The following SETBP1 variants were observed in gnomAD, a reference collection of about 807,000 sequenced individuals.
The protein encoded by SETBP1 is SET-binding protein.
In SETBP1, 9 loss-of-function variants were observed where a neutral mutation model predicts 101.0. That is an observed-to-expected ratio of 0.09 (90% CI 0.05 to 0.16). The LOEUF (loss-of-function observed/expected upper bound fraction) is 0.16, where lower values mean the gene tolerates loss of function less well. Among genes scored for constraint, SETBP1 ranks in the 10% least tolerant of loss-of-function variants. The probability of loss-of-function intolerance (pLI) is 1.00; values close to 1 mark genes in which losing one functional copy is unlikely to be tolerated. For missense variants in SETBP1, 1,858 were observed against 2,033.8 expected (o/e 0.91, Z 1.66); for synonymous variants, 818 against 788.5 (o/e 1.04, Z -0.63).
chr18:44,932,811 T>G (rs2070867751), intron 3 of SETBP1, among the ~76,000 whole-genome samples: 1 of 152,228 alleles, frequency 6.6e-6, no homozygotes, highest in Admixed American at 6.5e-5. Context: ...ATTTAAGGAC[T>G]TCTCTACACT....
At chr18:44,712,200 C>T (rs534973018) in intron 2 of SETBP1, among the ~76,000 whole-genome samples, 2 of 152,260 alleles carry the variant, frequency 1.3e-5, no homozygotes, top group Non-Finnish European at 1.5e-5. Flanking sequence ...ACCAGATGGT[C>T]GTCTTTGCCT....
intron 4 of SETBP1, among the ~76,000 whole-genome samples, chr18:45,035,379 AAGAG>A (rs2073376700): frequency 6.6e-6 from 1 of 152,214 alleles, no homozygotes; most frequent in Admixed American, 6.5e-5. Flanking sequence ...TAGGGTTTTC[AAGAG>A]AGCTAATAGT....
At chr18:45,023,614 G>A (rs902874778) in intron 4 of SETBP1, among the ~76,000 whole-genome samples, 5 of 152,178 alleles carry the variant, frequency 3.3e-5, no homozygotes, top group East Asian at 1.9e-4. Flanking sequence ...GGGTTCCAGC[G>A]TTCAGAGAGT....
At chr18:44,981,812 T>A (rs1157779133) in intron 4 of SETBP1, among the ~76,000 whole-genome samples, 1 of 152,218 alleles carries the variant, frequency 6.6e-6, no homozygotes, top group Non-Finnish European at 1.5e-5. Context: ...TTGATTTTTT[T>A]TAAGAAGCCC....
chr18:44,805,699 A>G (rs185906810), intron 2 of SETBP1, among the ~76,000 whole-genome samples: 3 of 152,166 alleles, frequency 2.0e-5, no homozygotes, highest in Non-Finnish European at 4.4e-5. Flanking sequence ...CCTTGATGGC[A>G]GAGACTGTCA....
At position 44,701,671 on chromosome 18, in the gene SETBP1, A is replaced by G. The variant is rs1277006151; in HGVS notation, c.325A>G (p.Thr109Ala). 1 of 1,614,086 alleles carries G rather than the reference A, an allele frequency of 6.2e-7. No homozygotes were observed. The highest frequency in any genetic ancestry group is 1.3e-5 in the African/African-American group (1 of 74,918). ...GGGAAGTCTGAAGCTAAAGATTCAG[A>G]CCACAAAGCGGGCTAAGAAACCCCC... ...TEGSLKLKIQ[T>A]TKRAKKPPKN... The change falls in exon 2 of 6, where the codon ACC (threonine) becomes GCC (alanine). Residue 109 changes from threonine (T) to alanine (A), a missense_variant. By Grantham distance (58) the Thr-to-Ala change is moderately conservative. Around this residue, in one of 12 missense-constraint regions of SETBP1, gnomAD observed 28 missense variants for 59.2 expected, o/e 0.47. Coordinates refer to ENST00000649279, the MANE Select transcript of SETBP1 (RefSeq NM_015559.3).
At chr18:44,877,145 C>T in intron 3 of SETBP1, 1 of 987,526 alleles carries the variant, frequency 1.0e-6, no homozygotes, top group Non-Finnish European at 1.2e-6. Context: ...AGTATGGGCT[C>T]CAAGCCACAG....
intron 5 of SETBP1, among the ~76,000 whole-genome samples, chr18:45,058,242 A>G (rs564567175): frequency 2.6e-5 from 4 of 152,364 alleles, no homozygotes; most frequent in African/African-American, 9.6e-5. Flanking sequence ...GCAAGAGCCC[A>G]GAAATGACTG....
chr18:44,709,399 C>T (rs2069291511), intron 2 of SETBP1, among the ~76,000 whole-genome samples: 1 of 152,192 alleles, frequency 6.6e-6, no homozygotes, highest in African/African-American at 2.4e-5. Context: ...TGGATTAGAA[C>T]TCAGATACCC....
intron 4 of SETBP1, among the ~76,000 whole-genome samples, chr18:44,973,573 T>G (rs138566782): frequency 1.2e-4 from 19 of 152,118 alleles, no homozygotes; most frequent in Non-Finnish European, 2.4e-4. Flanking sequence ...TGGGGGCAAA[T>G]GGATAGAGTC....
intron 4 of SETBP1, among the ~76,000 whole-genome samples, chr18:44,979,337 G>A (rs963781860): frequency 6.6e-6 from 1 of 152,158 alleles, no homozygotes; most frequent in Non-Finnish European, 1.5e-5. Context: ...CTGGCCCTTT[G>A]TTCTAGGATA....
At chr18:44,896,118 C>G (rs895056035) in intron 3 of SETBP1, among the ~76,000 whole-genome samples, 1 of 152,104 alleles carries the variant, frequency 6.6e-6, no homozygotes, top group Non-Finnish European at 1.5e-5. Flanking sequence ...TTGTCAGTTA[C>G]TTCATTGCCT....
chr18:45,062,444 T>A (rs2073904777), intron 5 of SETBP1, among the ~76,000 whole-genome samples: 1 of 152,192 alleles, frequency 6.6e-6, no homozygotes, highest in Non-Finnish European at 1.5e-5. Context: ...AGCGAGATGA[T>A]GCCATGATAA....
In SETBP1 at chr18:44,769,169, AG is replaced by A. The variant is rs1405014348; in HGVS notation, c.486+67340del. Among the ~76,000 whole-genome samples, 3 of 152,258 alleles carry A rather than the reference AG, an allele frequency of 2.0e-5. No homozygotes were observed. In the East Asian group the frequency reaches 5.8e-4, roughly 29 times the overall value. Reference sequence around the variant, plus strand: ...GGAACTCTCATCTACAATGAATTCAAGGGTCCCAGCAGTTGGACTTTCCATG... The same window carrying A: ...GGAACTCTCATCTACAATGAATTCAAGGTCCCAGCAGTTGGACTTTCCATG... On this transcript the variant is annotated intron_variant, in intron 2 of 5. Transcript: ENST00000649279.
chr18:44,887,916 C>T (rs1475065928), intron 3 of SETBP1, among the ~76,000 whole-genome samples: 1 of 152,032 alleles, frequency 6.6e-6, no homozygotes, highest in Non-Finnish European at 1.5e-5. Flanking sequence ...TACCTGGAAC[C>T]CAGATTCCAA....
intron 2 of SETBP1, among the ~76,000 whole-genome samples, chr18:44,844,686 C>T (rs189514666): frequency 1.4e-3 from 209 of 152,094 alleles, no homozygotes; most frequent in African/African-American, 4.8e-3. Flanking sequence ...GCGGGAGGGG[C>T]AGGCTCAGAC....
intron 2 of SETBP1, among the ~76,000 whole-genome samples, chr18:44,728,924 G>A (rs1158147364): frequency 1.3e-5 from 2 of 152,240 alleles, no homozygotes; most frequent in Non-Finnish European, 2.9e-5. Flanking sequence ...GAAGAATGCA[G>A]CTAAGAACTA....
At chr18:44,797,075 G>T (rs1243489427) in intron 2 of SETBP1, among the ~76,000 whole-genome samples, 1 of 152,170 alleles carries the variant, frequency 6.6e-6, no homozygotes, top group African/African-American at 2.4e-5. Flanking sequence ...TAACGAACAG[G>T]TTACAGGCAG....
At position 44,899,263 on chromosome 18, in the gene SETBP1, AAAGG is replaced by A. The variant is rs1212964754; in HGVS notation, c.540+29984_540+29987del. The stretch of plus-strand genomic sequence containing the variant: ...ATATTCTCTAAATATTCTCTAGAAC[AAAGG>A]AAGTAAATTTTTAAATAAATAGTCA... On this transcript the variant is annotated intron_variant, in intron 3 of 5. Coordinates refer to ENST00000649279, the MANE Select transcript of SETBP1 (RefSeq NM_015559.3). Among the ~76,000 whole-genome samples the A allele has an allele frequency of 5.6e-4, 85 of 152,364 alleles. No homozygotes were observed. The Middle Eastern group carries it at 0.017, about 30-fold the overall frequency.
Sources: gnomAD v4.1 joint callset for allele counts (sites outside exome capture counted in the v4.1 genomes callset) on GRCh38, gnomAD v4.1.1 for gene constraint, gnomAD v4.1.1 regional missense constraint, MANE v1.5 for transcripts, NCBI Gene and HGNC (gene_info 2026-07-23, HGNC 2026-07-21) for gene names.